The following SGCD variants were observed in gnomAD, a reference collection of about 807,000 sequenced individuals.
SGCD encodes delta-sarcoglycan.
Under a neutral mutation model 36.6 loss-of-function variants are expected in SGCD, and 18 were observed. The observed-to-expected ratio is 0.49, with a 90% CI of 0.34 to 0.73. The LOEUF is 0.73. Ranked by LOEUF, SGCD falls within the 30% of genes least tolerant of loss-of-function variation. The pLI is 0.01. For missense variants in SGCD, 387 were observed against 346.7 expected, an observed-to-expected ratio of 1.12 and a Z score of -0.92; for synonymous variants, 133 against 130.6, an observed-to-expected ratio of 1.02 and a Z score of -0.12.
intron 1 of SGCD, among the ~76,000 whole-genome samples, chr5:156,098,737 T>G (rs1262467844): frequency 1.3e-5 from 2 of 152,170 alleles, no homozygotes; most frequent in Non-Finnish European, 2.9e-5. Context: ...TACATAGTAT[T>G]TTTTCACCTA....
chr5:156,324,085 T>A (rs1174381086), upstream of SGCD, among the ~76,000 whole-genome samples: 11 of 152,222 alleles, frequency 7.2e-5, no homozygotes, highest in Admixed American at 6.5e-4. Flanking sequence ...AAAGCAGATA[T>A]GTCAGATATT....
chr5:156,112,567 A>G (rs188690551), intron 1 of SGCD, among the ~76,000 whole-genome samples: 8 of 152,290 alleles, frequency 5.3e-5, no homozygotes, highest in African/African-American at 1.9e-4. Context: ...AGGGATTGTT[A>G]TGGTTTGGTT....
At chr5:155,769,346 AT>A in the SGCD span, among the ~76,000 whole-genome samples, 1 of 151,686 alleles carries the variant, frequency 6.6e-6, no homozygotes, top group Non-Finnish European at 1.5e-5. Flanking sequence ...TATTTCATGA[AT>A]TTTAGATTAT....
intron 3 of SGCD, among the ~76,000 whole-genome samples, chr5:156,127,014 C>T (rs1762188725): frequency 1.3e-5 from 2 of 152,094 alleles, no homozygotes; most frequent in African/African-American, 4.8e-5. Flanking sequence ...CACTGCTTAA[C>T]CTGATCTCTG....
intron 3 of SGCD, among the ~76,000 whole-genome samples, chr5:156,347,703 G>C (rs1448326071): frequency 1.3e-5 from 2 of 152,142 alleles, no homozygotes; most frequent in Admixed American, 1.3e-4. Context: ...GTAAGATTTA[G>C]GGGTAGAGGA....
intron 1 of SGCD, among the ~76,000 whole-genome samples, chr5:155,960,891 G>A (rs1482114310): frequency 6.6e-6 from 1 of 152,082 alleles, no homozygotes; most frequent in African/African-American, 2.4e-5. Flanking sequence ...TCCGCTTGAG[G>A]CCAGGCTCCC....
At position 156,766,745 on chromosome 5, in the gene SGCD, A is replaced by G. The variant is rs895708836; in HGVS notation, c.*7355A>G. 2.0e-5 allele frequency: 3 copies of G among 151,886 alleles called. No homozygotes were observed. Among genetic ancestry groups the G allele is most frequent in the African/African-American group, 7.3e-5 (3 of 41,306 alleles). 9.4% of individuals were successfully genotyped at this position (151,886 alleles called of 1,614,324 possible). A position where few individuals can be genotyped will look rare whatever the true frequency, so the allele number is the denominator to read the frequency against. ...TAAAAAGACAAAGTCATTTTGAAGA[A>G]TTAACTCAGCCAGGGATCATGCAAA... is the stretch of plus-strand genomic sequence containing the variant. On this transcript the variant is annotated 3_prime_UTR_variant, in exon 9 of 9. Coordinates refer to ENST00000337851, the MANE Select transcript of SGCD (RefSeq NM_000337.6).
chr5:156,177,150 C>T (rs554256475), intron 3 of SGCD, among the ~76,000 whole-genome samples: 4 of 152,108 alleles, frequency 2.6e-5, no homozygotes, highest in East Asian at 1.9e-4. Flanking sequence ...TACAGGTACA[C>T]GCCACCATGC....
chr5:155,810,850 C>T, the SGCD span, among the ~76,000 whole-genome samples: 1 of 100,400 alleles, frequency 1.0e-5, no homozygotes, highest in African/African-American at 4.3e-5. Flanking sequence ...CGGAGTCTTG[C>T]TCTGTCGCCC....
chr5:156,313,000 TG>T (rs1427756079), intron 3 of SGCD, among the ~76,000 whole-genome samples: 4 of 152,126 alleles, frequency 2.6e-5, no homozygotes, highest in Non-Finnish European at 5.9e-5. Flanking sequence ...ATATTTGTTT[TG>T]TTTTGTTTTC....
intron 3 of SGCD, among the ~76,000 whole-genome samples, chr5:156,477,286 C>A (rs1755223781): frequency 6.6e-6 from 1 of 152,118 alleles, no homozygotes; most frequent in Non-Finnish European, 1.5e-5. Flanking sequence ...AAGTGAGACT[C>A]ACAAGATGCA....
At chr5:156,223,920 G>A (rs1764783345) in intron 3 of SGCD, among the ~76,000 whole-genome samples, 1 of 151,968 alleles carries the variant, frequency 6.6e-6, no homozygotes, top group South Asian at 2.1e-4. Context: ...TGCAACTGAT[G>A]AAGGTAAACT....
At chr5:155,824,412 G>A in the SGCD span, among the ~76,000 whole-genome samples, 59,919 of 151,914 alleles carry the variant, frequency 0.39, 12,227 homozygotes, top group East Asian at 0.62. Flanking sequence ...TGTCATTATT[G>A]TAACAGATAA....
chr5:155,793,841 G>A, the SGCD span, among the ~76,000 whole-genome samples: 5 of 151,218 alleles, frequency 3.3e-5, no homozygotes, highest in Admixed American at 2.0e-4. Flanking sequence ...GAGCCACCGC[G>A]CTCATCCAAA....
rs138533735 is a variant in SGCD at position 156,097,330 on chromosome 5, G to A, written c.-281-20548G>A. On this transcript the variant is annotated intron_variant, in intron 1 of 9. Coordinates refer to the SGCD transcript ENST00000517913. ...TCCCCTCTCCTTCTAGGAGTTCAAC[G>A]ATACAAAATTGAATCTTTTATTAGC... Among the ~76,000 whole-genome samples, 768 of 152,062 alleles carry A rather than the reference G, an allele frequency of 5.1e-3. 5 individuals are homozygous for A. Among genetic ancestry groups the A allele is most frequent in the African/African-American group, 0.018 (743 of 41,496 alleles).
chr5:156,134,253 A>G (rs1244178011), intron 3 of SGCD, among the ~76,000 whole-genome samples: 1 of 152,194 alleles, frequency 6.6e-6, no homozygotes, highest in Non-Finnish European at 1.5e-5. Flanking sequence ...TGAAGAGTCA[A>G]TCTATGCCCA....
intron 3 of SGCD, among the ~76,000 whole-genome samples, chr5:156,420,312 T>C (rs1174274164): frequency 6.6e-6 from 1 of 152,108 alleles, no homozygotes; most frequent in Non-Finnish European, 1.5e-5. Context: ...AAATGTTTAG[T>C]ATAGCATAAA....
chr5:156,486,281 C>G, intron 3 of SGCD, among the ~76,000 whole-genome samples: 1 of 152,024 alleles, frequency 6.6e-6, no homozygotes, highest in Non-Finnish European at 1.5e-5. Context: ...TGTCCCTACT[C>G]CTTGGGAAAC....
chr5:156,741,111 G>A (rs1297698648), intron 7 of SGCD, among the ~76,000 whole-genome samples: 1 of 152,048 alleles, frequency 6.6e-6, no homozygotes, highest in African/African-American at 2.4e-5. Context: ...ATGTTCTGAA[G>A]GTCGCTCCCC....
Sources: gnomAD v4.1 joint callset for allele counts (sites outside exome capture counted in the v4.1 genomes callset) on GRCh38, gnomAD v4.1.1 for gene constraint, MANE v1.5 for transcripts, NCBI Gene and HGNC (gene_info 2026-07-23, HGNC 2026-07-21) for gene names.